Variants in PLXDC2 observed in about 807,000 individuals in gnomAD.
The protein encoded by PLXDC2 is plexin domain-containing protein 2.
Under a neutral mutation model 68.9 loss-of-function variants are expected in PLXDC2, and 40 were observed. The observed-to-expected ratio is 0.58, with a 90% CI of 0.45 to 0.76. PLXDC2 has a LOEUF of 0.76. Ranked by LOEUF, PLXDC2 falls within the 30% of genes least tolerant of loss-of-function variation. The pLI is 0.00. For missense variants in PLXDC2, 644 were observed against 661.9 expected (o/e 0.97, Z 0.30); for synonymous variants, 243 against 234.2 (o/e 1.04, Z -0.34).
chr10:19,904,902 G>C lies in PLXDC2; in HGVS notation c.112+87711G>C, dbSNP rs143828372. ...AAAGCTATAAACTACTACTTCTTGG[G>C]AAGTGAGACCCTCTTTAATCTCCAC... On this transcript the variant is annotated intron_variant, in intron 1 of 13. Coordinates refer to ENST00000377252, the MANE Select transcript of PLXDC2 (RefSeq NM_032812.9). Among the ~76,000 whole-genome samples, 522 of 152,298 alleles carry C rather than the reference G, an allele frequency of 3.4e-3. 5 individuals carry two copies. Among genetic ancestry groups the C allele is most frequent in the African/African-American group, 0.012 (500 of 41,576 alleles).
intron 6 of PLXDC2, among the ~76,000 whole-genome samples, chr10:20,155,964 C>T (rs1834211848): frequency 1.3e-5 from 2 of 152,164 alleles, no homozygotes; most frequent in South Asian, 4.1e-4. Context: ...GCTGCAACCT[C>T]TGCCTCCCGA....
At chr10:19,916,901 A>G (rs1207421299) in intron 1 of PLXDC2, among the ~76,000 whole-genome samples, 1 of 152,228 alleles carries the variant, frequency 6.6e-6, no homozygotes, top group East Asian at 1.9e-4. Flanking sequence ...ATGTGTATGC[A>G]GAGCAGAGAT....
At chr10:19,966,393 T>A (rs1193959032) in intron 1 of PLXDC2, among the ~76,000 whole-genome samples, 10 of 65,834 alleles carry the variant, frequency 1.5e-4, no homozygotes, top group African/African-American at 6.4e-4. Flanking sequence ...TGCACATATA[T>A]AAAATATATA....
At chr10:19,950,483 A>G (rs1833973291) in intron 1 of PLXDC2, among the ~76,000 whole-genome samples, 1 of 152,230 alleles carries the variant, frequency 6.6e-6, no homozygotes. Flanking sequence ...GGAGAACTAA[A>G]AAATATTGCA....
chr10:20,135,414 C>T (rs538145823), intron 4 of PLXDC2, among the ~76,000 whole-genome samples: 42 of 152,140 alleles, frequency 2.8e-4, no homozygotes, highest in Non-Finnish European at 5.1e-4. Context: ...GAGCTGTTGA[C>T]AGTGACCATT....
At chr10:19,845,644 C>T (rs919753115) in intron 1 of PLXDC2, among the ~76,000 whole-genome samples, 4 of 152,172 alleles carry the variant, frequency 2.6e-5, no homozygotes, top group East Asian at 1.9e-4. Flanking sequence ...AGTGTTATAG[C>T]CCTGGTGATG....
intron 13 of PLXDC2, among the ~76,000 whole-genome samples, chr10:20,264,750 A>C (rs1052127303): frequency 6.6e-6 from 1 of 152,104 alleles, no homozygotes; most frequent in Admixed American, 6.5e-5. Context: ...ATCAGATAAA[A>C]ATATTTGAGA....
rs1028870590 is a variant in PLXDC2 at position 20,287,332 on chromosome 10, G to C, written c.*7513G>C. On this transcript the variant is annotated 3_prime_UTR_variant, in exon 14 of 14. Transcript: ENST00000377252. ...CATTTATCTTCCTTTGACTTAAAAG[G>C]CATGAAAATAAGGCAAAAAAATCAA... 6.6e-6 allele frequency: 1 copy of C among 152,064 alleles called. No individual in the cohort carries two copies. The highest frequency in any genetic ancestry group is 1.5e-5 in the Non-Finnish European group (1 of 68,014). The allele number at this position is 152,064 out of a possible 1,614,324, so 9.4% of individuals were successfully genotyped here. A position where few individuals can be genotyped will look rare whatever the true frequency, so the allele number is the denominator to read the frequency against.
intron 13 of PLXDC2, among the ~76,000 whole-genome samples, chr10:20,259,934 A>G (rs1452979188): frequency 6.6e-6 from 1 of 152,222 alleles, no homozygotes; most frequent in Admixed American, 6.5e-5. Context: ...AGATAAATAA[A>G]AAAAGGAAGA....
intron 6 of PLXDC2, among the ~76,000 whole-genome samples, chr10:20,152,361 G>A (rs1365684322): frequency 6.6e-5 from 10 of 152,028 alleles, no homozygotes; most frequent in Non-Finnish European, 1.3e-4. Flanking sequence ...GAAGACTTGT[G>A]GAGGCATGGA....
At chr10:19,957,915 A>G (rs191119978) in intron 1 of PLXDC2, among the ~76,000 whole-genome samples, 2 of 152,222 alleles carry the variant, frequency 1.3e-5, no homozygotes, top group Non-Finnish European at 2.9e-5. Context: ...TATGCAGTCT[A>G]TATATTAGGT....
chr10:19,833,761 G>A (rs1015280834), intron 1 of PLXDC2, among the ~76,000 whole-genome samples: 8 of 152,082 alleles, frequency 5.3e-5, no homozygotes, highest in Admixed American at 2.0e-4. Context: ...GTGTATAAAG[G>A]AATCCAAAAT....
intron 1 of PLXDC2, among the ~76,000 whole-genome samples, chr10:19,859,019 CGAGAGA>C (rs60326474): frequency 6.3e-4 from 82 of 131,018 alleles, no homozygotes; most frequent in Middle Eastern, 3.9e-3. Flanking sequence ...AGAAAAGCAG[CGAGAGA>C]GAGAGAGAGA....
intron 2 of PLXDC2, among the ~76,000 whole-genome samples, chr10:20,044,211 G>GTCTTTCTC (rs1835743053): frequency 1.5e-5 from 1 of 68,548 alleles, no homozygotes; most frequent in Non-Finnish European, 3.0e-5. Flanking sequence ...CTCTCTCTCT[G>GTCTTTCTC]TCTTTCTTTC....
chr10:19,852,729 A>T (rs1045480916), intron 1 of PLXDC2, among the ~76,000 whole-genome samples: 16 of 152,310 alleles, frequency 1.1e-4, no homozygotes, highest in Admixed American at 3.3e-4. Flanking sequence ...TTTAGTTAAT[A>T]AAAAATCTGT....
At chr10:19,829,883 A>C (rs986690739) in intron 1 of PLXDC2, among the ~76,000 whole-genome samples, 3 of 152,238 alleles carry the variant, frequency 2.0e-5, no homozygotes, top group Non-Finnish European at 4.4e-5. Context: ...CTAAGCTAGC[A>C]AGAACAGAGA....
intron 1 of PLXDC2, among the ~76,000 whole-genome samples, chr10:19,903,695 T>C (rs1015342465): frequency 1.5e-5 from 2 of 130,070 alleles, no homozygotes; most frequent in Non-Finnish European, 3.2e-5. Context: ...TGCTCTCATC[T>C]TCATTATTTT....
At chr10:20,269,942 C>T (rs1437517317) in intron 13 of PLXDC2, among the ~76,000 whole-genome samples, 1 of 151,956 alleles carries the variant, frequency 6.6e-6, no homozygotes, top group Admixed American at 6.6e-5. Flanking sequence ...CTCTTGAACC[C>T]AGGAGGTGGA....
chr10:19,952,849 T>G (rs565584611), intron 1 of PLXDC2, among the ~76,000 whole-genome samples: 151 of 152,340 alleles, frequency 9.9e-4, no homozygotes, highest in African/African-American at 3.5e-3. Flanking sequence ...TTTACCTGTT[T>G]TTGTCTGGCC....
Sources: gnomAD v4.1 joint callset for allele counts (sites outside exome capture counted in the v4.1 genomes callset) on GRCh38, gnomAD v4.1.1 for gene constraint, MANE v1.5 for transcripts, NCBI Gene and HGNC (gene_info 2026-07-23, HGNC 2026-07-21) for gene names.